RBFOX1: variants seen among roughly 807,000 people sequenced by gnomAD.
RBFOX1 encodes RNA binding fox-1 homolog 1.
In RBFOX1, 8 loss-of-function variants were observed where a neutral mutation model predicts 57.7. The ratio of observed to expected loss-of-function variants is 0.14; its 90% CI spans 0.08 to 0.25. The LOEUF (loss-of-function observed/expected upper bound fraction) is 0.25, where lower values mean the gene tolerates loss of function less well. Among genes scored for constraint, RBFOX1 ranks in the 10% least tolerant of loss-of-function variants. The pLI is 1.00. For missense variants in RBFOX1, 611 were observed against 548.5 expected (o/e 1.11, Z -1.14); for synonymous variants, 326 against 222.4 (o/e 1.47, Z -4.15).
chr16:7,338,705 A>G (rs1001125201), intron 4 of RBFOX1, among the ~76,000 whole-genome samples: 2 of 152,228 alleles, frequency 1.3e-5, no homozygotes, highest in Non-Finnish European at 2.9e-5. Flanking sequence ...TGTAGTAACA[A>G]TGCAAATTAT....
At chr16:5,756,828 T>C (rs756781799) in intron 3 of RBFOX1, among the ~76,000 whole-genome samples, 3 of 152,142 alleles carry the variant, frequency 2.0e-5, no homozygotes, top group Non-Finnish European at 4.4e-5. Flanking sequence ...TTCTCAATAA[T>C]ACAGCTAACA....
chr16:6,806,047 T>C (rs1348172559), intron 3 of RBFOX1, among the ~76,000 whole-genome samples: 1 of 152,186 alleles, frequency 6.6e-6, no homozygotes, highest in African/African-American at 2.4e-5. Flanking sequence ...TGCAGCTCTA[T>C]AAGAAGTCAT....
At chr16:6,519,984 A>C (rs80155625) in intron 2 of RBFOX1, among the ~76,000 whole-genome samples, 4,850 of 152,268 alleles carry the variant, frequency 0.032, 268 homozygotes, top group African/African-American at 0.11. Flanking sequence ...TTAAACTATC[A>C]GTCTGTCTTC....
intron 3 of RBFOX1, among the ~76,000 whole-genome samples, chr16:6,987,871 C>T (rs1210781483): frequency 3.3e-5 from 5 of 152,116 alleles, no homozygotes; most frequent in African/African-American, 9.7e-5. Flanking sequence ...CTCAAAGCAG[C>T]CACATTTTAT....
intron 4 of RBFOX1, among the ~76,000 whole-genome samples, chr16:7,464,842 G>A (rs9938528): frequency 0.52 from 78,184 of 150,870 alleles, 20,481 homozygotes; most frequent in Middle Eastern, 0.62. Flanking sequence ...GACTGCAGGC[G>A]CCCGCCACCA....
chr16:7,549,003 A>G (rs550893950), intron 5 of RBFOX1, among the ~76,000 whole-genome samples: 10 of 152,342 alleles, frequency 6.6e-5, no homozygotes, highest in African/African-American at 2.4e-4. Context: ...ACATCAGAGT[A>G]ATGGCTAGCC....
chr16:6,144,092 T>C (rs1406568884), intron 1 of RBFOX1, among the ~76,000 whole-genome samples: 1 of 152,024 alleles, frequency 6.6e-6, no homozygotes, highest in Non-Finnish European at 1.5e-5. Context: ...AGCCACTGTG[T>C]GTGGTCACAC....
chr16:7,080,042 G>GTA (rs35162308), intron 4 of RBFOX1, among the ~76,000 whole-genome samples: 85,684 of 141,880 alleles, frequency 0.6, 28,637 homozygotes, highest in East Asian at 0.85. Context: ...GTATATAGAT[G>GTA]TATATATATA....
intron 3 of RBFOX1, among the ~76,000 whole-genome samples, chr16:6,764,657 C>T (rs2077077011): frequency 6.6e-6 from 1 of 152,186 alleles, no homozygotes; most frequent in African/African-American, 2.4e-5. Flanking sequence ...AATGCATGGG[C>T]TGGGTGCAGT....
chr16:5,806,901 G>T (rs1474448701), intron 3 of RBFOX1, among the ~76,000 whole-genome samples: 1 of 152,134 alleles, frequency 6.6e-6, no homozygotes, highest in African/African-American at 2.4e-5. Context: ...ACCTCTCAGA[G>T]CCACTTACCG....
At chr16:7,165,425 T>TATC (rs2079259396) in intron 4 of RBFOX1, among the ~76,000 whole-genome samples, 1 of 66,632 alleles carries the variant, frequency 1.5e-5, no homozygotes, top group Admixed American at 1.7e-4. Flanking sequence ...TAATCATTAT[T>TATC]ATTATTATTA....
At chr16:7,110,724 A>C (rs1332890211) in intron 4 of RBFOX1, among the ~76,000 whole-genome samples, 2 of 152,202 alleles carry the variant, frequency 1.3e-5, no homozygotes, top group Admixed American at 1.3e-4. Context: ...AATAGCCTAA[A>C]AACAAGATTT....
intron 1 of RBFOX1, among the ~76,000 whole-genome samples, chr16:6,028,642 C>G (rs1409384159): frequency 6.6e-6 from 1 of 151,884 alleles, no homozygotes; most frequent in Non-Finnish European, 1.5e-5. Context: ...AATTGTGCCA[C>G]TGCACTCCAT....
intron 4 of RBFOX1, among the ~76,000 whole-genome samples, chr16:7,128,515 C>G (rs1369053127): frequency 6.6e-6 from 1 of 152,158 alleles, no homozygotes; most frequent in Non-Finnish European, 1.5e-5. Flanking sequence ...CCCCAGCAAG[C>G]TAGCCTGGTT....
chr16:6,780,472 A>T (rs1373113563), intron 3 of RBFOX1, among the ~76,000 whole-genome samples: 1 of 109,276 alleles, frequency 9.2e-6, no homozygotes, highest in Non-Finnish European at 1.7e-5. Flanking sequence ...ATATTTATAT[A>T]CATTTTTATA....
intron 3 of RBFOX1, among the ~76,000 whole-genome samples, chr16:6,924,193 TAGC>T (rs1294877535): frequency 6.7e-6 from 1 of 149,628 alleles, no homozygotes; most frequent in African/African-American, 2.5e-5. Flanking sequence ...ATAATAATAA[TAGC>T]AATAATGCCA....
chr16:6,901,563 G>A lies in RBFOX1; in HGVS notation c.-15-150494G>A, dbSNP rs530700626. Among the ~76,000 whole-genome samples the A allele has an allele frequency of 2.6e-5, 4 of 152,272 alleles. No homozygotes were observed. In the East Asian group the frequency reaches 7.7e-4, roughly 29 times the overall value. ...AGAGAAGATTTTTGTTTATGTAGTG[G>A]AATGTTCAACTCCTCAATTATGCTG... On this transcript the variant is annotated intron_variant, in intron 3 of 15. Coordinates refer to ENST00000550418, the MANE Select transcript of RBFOX1 (RefSeq NM_018723.4).
chr16:6,641,503 G>A (rs961442686), intron 2 of RBFOX1, among the ~76,000 whole-genome samples: 1 of 152,034 alleles, frequency 6.6e-6, no homozygotes, highest in Non-Finnish European at 1.5e-5. Context: ...GGGAGGCCGA[G>A]GCGGGCAGAT....
At chr16:7,492,974 G>T (rs907180505) in intron 4 of RBFOX1, among the ~76,000 whole-genome samples, 1 of 152,128 alleles carries the variant, frequency 6.6e-6, no homozygotes, top group African/African-American at 2.4e-5. Flanking sequence ...CGCCTCCCAG[G>T]TTCAAGCGAT....
Sources: gnomAD v4.1 joint callset for allele counts (sites outside exome capture counted in the v4.1 genomes callset) on GRCh38, gnomAD v4.1.1 for gene constraint, MANE v1.5 for transcripts, NCBI Gene and HGNC (gene_info 2026-07-23, HGNC 2026-07-21) for gene names.